Variants in TPTE observed in about 807,000 individuals in gnomAD.
TPTE encodes the protein putative tyrosine-protein phosphatase TPTE.
Under a neutral mutation model 84.1 loss-of-function variants are expected in TPTE, and 59 were observed. The observed-to-expected ratio is 0.70, with a 90% CI of 0.57 to 0.87. The LOEUF (loss-of-function observed/expected upper bound fraction) is 0.87. TPTE is among the 40% of genes least tolerant of loss of function. The pLI, the probability that TPTE is intolerant of heterozygous loss-of-function variation, is 0.00. For synonymous variants in TPTE, 130 were observed against 223.5 expected, an observed-to-expected ratio of 0.58 and a Z score of 3.73; for missense variants, 382 against 659.6, an observed-to-expected ratio of 0.58 and a Z score of 4.61.
intron 7 of TPTE, among the ~76,000 whole-genome samples, chr21:10,545,728 T>A (rs1273037610): frequency 4.6e-5 from 7 of 151,834 alleles, no homozygotes; most frequent in African/African-American, 1.7e-4. Context: ...TATATATAGA[T>A]ATATAAATAT....
chr21:10,577,150 CTG>C (rs566378511), intron 14 of TPTE, among the ~76,000 whole-genome samples: 441 of 151,604 alleles, frequency 2.9e-3, no homozygotes, highest in African/African-American at 9.9e-3. Flanking sequence ...TCCATATTAA[CTG>C]TGAATTAATG....
At chr21:10,539,046 G>A (rs1263117785) in intron 4 of TPTE, among the ~76,000 whole-genome samples, 1 of 152,308 alleles carries the variant, frequency 6.6e-6, no homozygotes, top group Non-Finnish European at 1.5e-5. Context: ...CTAACGGAGT[G>A]ATATAAAAAG....
intron 17 of TPTE, among the ~76,000 whole-genome samples, chr21:10,589,452 A>G (rs995833879): frequency 1.3e-5 from 2 of 151,424 alleles, no homozygotes; most frequent in African/African-American, 2.5e-5. Flanking sequence ...CTGAGTACAC[A>G]TTAATCTGAG....
chr21:10,524,333 A>G (rs1325914427), intron 1 of TPTE, among the ~76,000 whole-genome samples: 2 of 152,302 alleles, frequency 1.3e-5, no homozygotes, highest in Non-Finnish European at 2.9e-5. Context: ...GGGGACCACT[A>G]ATTGACATTC....
At chr21:10,577,423 C>T (rs754500356) in intron 14 of TPTE, 37 bp from the exon 15 acceptor site, 2 of 1,613,984 alleles carry the variant, frequency 1.2e-6, no homozygotes, top group Non-Finnish European at 1.7e-6. Context: ...ATGTTGGTGC[C>T]ATGTAAATAT....
intron 10 of TPTE, among the ~76,000 whole-genome samples, chr21:10,562,800 T>C (rs2074835667): frequency 2.6e-5 from 4 of 152,300 alleles, no homozygotes; most frequent in South Asian, 2.1e-4. Context: ...ATCTAAGTGG[T>C]ATTGGCCTTA....
At chr21:10,556,402 A>G (rs1600895635) in intron 8 of TPTE, among the ~76,000 whole-genome samples, 2 of 152,312 alleles carry the variant, frequency 1.3e-5, no homozygotes, top group Non-Finnish European at 1.5e-5. Context: ...TTAGTATTCC[A>G]TGGTGTATAT....
At chr21:10,597,421 T>C (rs1181034930) in intron 20 of TPTE, among the ~76,000 whole-genome samples, 12,411 of 144,764 alleles carry the variant, frequency 0.086, 1 homozygote, top group African/African-American at 0.21. Flanking sequence ...TCTTTTTTTT[T>C]TTTTTTTTTT....
chr21:10,536,615 CAGAG>C (rs1228150292), intron 3 of TPTE, among the ~76,000 whole-genome samples: 439 of 152,182 alleles, frequency 2.9e-3, no homozygotes, highest in African/African-American at 9.8e-3. Context: ...AGAGAATCGA[CAGAG>C]AGAAAGATGA....
At chr21:10,598,287 T>C (rs2075627620) in intron 21 of TPTE, among the ~76,000 whole-genome samples, 193 bp downstream of exon 21, 1 of 152,310 alleles carries the variant, frequency 6.6e-6, no homozygotes. Flanking sequence ...TTCAAAACAG[T>C]TTTTTCAGGG....
rs1314678649 is a variant in TPTE at position 10,542,389 on chromosome 21, C to T, written c.66-6C>T. The T allele has an allele frequency of 6.8e-6, 11 of 1,610,774 alleles. No individual in the cohort carries two copies. The East Asian group carries it at 2.2e-4, about 33-fold the overall frequency. ...TCTCTGACTGTTTTCTCTTATCATCCACTAGTCCACAGACAAGTGAATTTA... is the reference window on the plus strand; with the variant it reads ...TCTCTGACTGTTTTCTCTTATCATCTACTAGTCCACAGACAAGTGAATTTA... On this transcript the variant is annotated splice_region_variant and splice_polypyrimidine_tract_variant and intron_variant, in intron 5 of 23. Coordinates refer to ENST00000618007, the MANE Select transcript of TPTE (RefSeq NM_199261.4).
At chr21:10,539,922 T>C (rs2074336868) in intron 4 of TPTE, among the ~76,000 whole-genome samples, 1 of 152,310 alleles carries the variant, frequency 6.6e-6, no homozygotes. Context: ...GGCAGGAGAA[T>C]TGCTTGAACC....
chr21:10,558,118 G>T (rs1218699106), intron 8 of TPTE, among the ~76,000 whole-genome samples: 2 of 152,304 alleles, frequency 1.3e-5, no homozygotes, highest in African/African-American at 4.8e-5. Context: ...GTATTCCATG[G>T]TATATATGTA....
intron 17 of TPTE, among the ~76,000 whole-genome samples, chr21:10,579,617 A>G (rs1460098071): frequency 6.6e-5 from 10 of 152,422 alleles, no homozygotes; most frequent in South Asian, 2.1e-4. Context: ...TAGATTCCAC[A>G]AATAAGCAAG....
intron 9 of TPTE, 77 bp downstream of exon 9, chr21:10,559,621 C>T (rs200126171): frequency 6.2e-7 from 1 of 1,607,518 alleles, no homozygotes; most frequent in Non-Finnish European, 8.5e-7. Context: ...CACCTGTAAT[C>T]CCAGCACCCT....
chr21:10,568,603 GC>G (rs1350309702), intron 11 of TPTE, among the ~76,000 whole-genome samples: 1 of 152,310 alleles, frequency 6.6e-6, no homozygotes, highest in African/African-American at 2.4e-5. Flanking sequence ...TACAGCTCAG[GC>G]CCCAACTAAA....
chr21:10,524,791 AG>A (rs1245355294), intron 2 of TPTE, 103 bp downstream of exon 2: 1 of 152,500 alleles, frequency 6.6e-6, no homozygotes, highest in Non-Finnish European at 1.5e-5. Context: ...ACATCTCTGG[AG>A]CACAAGGTGG....
chr21:10,549,843 C>A (rs2074540378), intron 7 of TPTE, among the ~76,000 whole-genome samples: 1 of 152,266 alleles, frequency 6.6e-6, no homozygotes, highest in Admixed American at 6.5e-5. Flanking sequence ...GATCAAAGAA[C>A]CCCAAATACA....
Position 10,527,941 on chromosome 21 carries a change from G to GTGC in TPTE, c.-44+530_-44+532dup, listed in dbSNP as rs1256950156. On this transcript the variant is annotated intron_variant, in intron 3 of 23. Transcript: ENST00000618007. Reference sequence around the variant, plus strand: ...AAATCAAAATGGGCAAGAATAATGTGTGCCTACAAATGGGACATGAATTTG... The same window carrying GTGC: ...AAATCAAAATGGGCAAGAATAATGTGTGCTGCCTACAAATGGGACATGAATTTG... 3.3e-5 allele frequency among the ~76,000 whole-genome samples: 5 copies of GTGC among 152,428 alleles called. No homozygotes were observed. In the East Asian group the frequency reaches 9.6e-4, roughly 29 times the overall value.
Sources: allele counts gnomAD v4.1 joint callset (sites outside exome capture counted in the v4.1 genomes callset), GRCh38; gene constraint gnomAD v4.1.1; transcripts MANE v1.5; gene names NCBI Gene and HGNC (gene_info 2026-07-23, HGNC 2026-07-21).